Variants in SEZ6L observed in about 807,000 individuals in gnomAD.
The protein encoded by SEZ6L is seizure related 6 homolog like.
A neutral mutation model predicts 106.2 loss-of-function variants in SEZ6L; 37 were observed. That is an observed-to-expected ratio of 0.35 (90% CI 0.27 to 0.46). The LOEUF is 0.46. Among genes scored for constraint, SEZ6L ranks in the 20% least tolerant of loss-of-function variants. The probability of loss-of-function intolerance (pLI) is 1.00; values close to 1 mark genes in which losing one functional copy is unlikely to be tolerated. For missense variants in SEZ6L, 1,172 were observed against 1,332.8 expected (o/e 0.88, Z 1.88); for synonymous variants, 541 against 570.4 (o/e 0.95, Z 0.73).
intron 13 of SEZ6L, among the ~76,000 whole-genome samples, chr22:26,367,725 G>A (rs772630271): frequency 1.6e-4 from 25 of 152,092 alleles, no homozygotes; most frequent in Non-Finnish European, 3.7e-4. Context: ...CCATGGGTTA[G>A]GAGTGTTCCT....
intron 6 of SEZ6L, among the ~76,000 whole-genome samples, chr22:26,309,382 G>A (rs889575358): frequency 1.3e-5 from 2 of 152,190 alleles, no homozygotes; most frequent in African/African-American, 4.8e-5. Flanking sequence ...CGACGTTATG[G>A]TTGGGTCTCT....
At chr22:26,343,523 T>G (rs1230493876) in intron 10 of SEZ6L, among the ~76,000 whole-genome samples, 1 of 152,242 alleles carries the variant, frequency 6.6e-6, no homozygotes, top group Non-Finnish European at 1.5e-5. Flanking sequence ...CATCTTCAAA[T>G]GCATTATCTC....
At position 26,292,470 on chromosome 22, in the gene SEZ6L, G is replaced by C. The variant is rs1288261975; in HGVS notation, c.159G>C (p.Glu53Asp). Residue 53 changes from glutamate (E) to aspartate (D), a missense_variant, in exon 2 of 17, where the codon GAG (glutamate) becomes GAC (aspartate). Glu to Asp is a conservative substitution (Grantham distance 45). Around this residue, in one of 4 missense-constraint regions of SEZ6L, gnomAD observed 494 missense variants for 445.8 expected, o/e 1.11. Transcript: ENST00000248933. Reference protein sequence around the residue: ...GPYLLPSGAPERGSPGKEHPE... With the variant: ...GPYLLPSGAPDRGSPGKEHPE... ...ACCTCCTGCCCTCAGGAGCCCCGGA[G>C]AGAGGCAGTCCTGGCAAAGAGCACC... 1 of 1,613,878 alleles carries C rather than the reference G, an allele frequency of 6.2e-7. No individual in the cohort carries two copies. Among genetic ancestry groups the C allele is most frequent in the African/African-American group, 1.3e-5 (1 of 74,916 alleles).
intron 9 of SEZ6L, among the ~76,000 whole-genome samples, chr22:26,335,484 A>G (rs1408502759): frequency 6.6e-6 from 1 of 152,222 alleles, no homozygotes; most frequent in Admixed American, 6.5e-5. Context: ...TAACTTGGCT[A>G]CACTGTTATG....
intron 13 of SEZ6L, among the ~76,000 whole-genome samples, chr22:26,366,718 A>G (rs2083825696): frequency 1.3e-5 from 2 of 152,072 alleles, no homozygotes; most frequent in South Asian, 4.2e-4. Flanking sequence ...AAACAAACAA[A>G]CAAACAAACA....
chr22:26,277,548 A>G (rs2080591891), intron 1 of SEZ6L, among the ~76,000 whole-genome samples: 1 of 152,224 alleles, frequency 6.6e-6, no homozygotes. Flanking sequence ...AGTTGCCTTC[A>G]TGTTCTTTGC....
intron 1 of SEZ6L, 33 bp from the exon 2 acceptor site, chr22:26,292,373 C>T (rs1021313580): frequency 6.4e-7 from 1 of 1,554,782 alleles, no homozygotes; most frequent in Admixed American, 1.7e-5. Context: ...TAAATCTCCC[C>T]AAACTAACTG....
intron 1 of SEZ6L, among the ~76,000 whole-genome samples, chr22:26,292,030 AGGAAGGATGGAT>A (rs1451897243): frequency 0.026 from 2,262 of 88,640 alleles, 75 homozygotes; most frequent in African/African-American, 0.062. Context: ...GAAGGAAGGA[AGGAAGGATGGAT>A]GGAAGGAAAG....
At chr22:26,329,035 G>A (rs1056605791) in intron 9 of SEZ6L, among the ~76,000 whole-genome samples, 1 of 152,214 alleles carries the variant, frequency 6.6e-6, no homozygotes, top group Non-Finnish European at 1.5e-5. Context: ...CGGGGATTCT[G>A]AGGTGCGGCC....
chr22:26,363,510 T>A (rs1300243468), intron 12 of SEZ6L, among the ~76,000 whole-genome samples: 1 of 152,184 alleles, frequency 6.6e-6, no homozygotes, highest in Non-Finnish European at 1.5e-5. Flanking sequence ...GTTTAAAGCC[T>A]GGGAAAGAAG....
chr22:26,305,155 T>C (rs2081592782), intron 5 of SEZ6L, among the ~76,000 whole-genome samples: 1 of 152,248 alleles, frequency 6.6e-6, no homozygotes, highest in African/African-American at 2.4e-5. Flanking sequence ...CTGTTGTAAA[T>C]TGAAACACTG....
chr22:26,325,945 A>T (rs2082293535), intron 9 of SEZ6L, among the ~76,000 whole-genome samples: 2 of 151,986 alleles, frequency 1.3e-5, no homozygotes, highest in South Asian at 4.2e-4. Context: ...ACACACACAC[A>T]CACACACACA....
intron 13 of SEZ6L, among the ~76,000 whole-genome samples, chr22:26,366,110 T>C (rs1266934336): frequency 6.6e-6 from 1 of 152,064 alleles, no homozygotes; most frequent in Non-Finnish European, 1.5e-5. Flanking sequence ...TGCAGGCATA[T>C]CACTTGAGGT....
intron 1 of SEZ6L, among the ~76,000 whole-genome samples, chr22:26,264,382 T>C (rs2080111076): frequency 6.6e-6 from 1 of 152,232 alleles, no homozygotes; most frequent in South Asian, 2.1e-4. Context: ...TTAACCTCTC[T>C]GAGCTTCAGT....
intron 12 of SEZ6L, among the ~76,000 whole-genome samples, chr22:26,359,087 A>C (rs1234367298): frequency 6.6e-6 from 1 of 152,220 alleles, no homozygotes; most frequent in Non-Finnish European, 1.5e-5. Context: ...GTGGTGCAGC[A>C]GACACAGGCC....
chr22:26,248,482 G>A (rs989361262), intron 1 of SEZ6L, among the ~76,000 whole-genome samples: 3 of 152,096 alleles, frequency 2.0e-5, no homozygotes, highest in African/African-American at 7.2e-5. Context: ...AGCCTCCCAA[G>A]TACCTGGGAC....
At chr22:26,195,263 T>C (rs1430722056) in intron 1 of SEZ6L, among the ~76,000 whole-genome samples, 1 of 152,192 alleles carries the variant, frequency 6.6e-6, no homozygotes. Flanking sequence ...GAGGGGGTGA[T>C]GAAAGTGTGG....
chr22:26,279,092 C>T (rs977532233), intron 1 of SEZ6L, among the ~76,000 whole-genome samples: 3 of 152,164 alleles, frequency 2.0e-5, no homozygotes, highest in Non-Finnish European at 4.4e-5. Flanking sequence ...CCCAGTGCCT[C>T]GACTTCCCAT....
At chr22:26,306,287 T>G in intron 6 of SEZ6L, 143 bp downstream of exon 6, 2 of 904,078 alleles carry the variant, frequency 2.2e-6, no homozygotes, top group Non-Finnish European at 3.3e-6. Context: ...GCAAAGATCT[T>G]AGACACCATC....
Sources: allele counts gnomAD v4.1 joint callset (sites outside exome capture counted in the v4.1 genomes callset), GRCh38; gene constraint gnomAD v4.1.1; regional missense constraint gnomAD v4.1.1; transcripts MANE v1.5; gene names NCBI Gene and HGNC (gene_info 2026-07-23, HGNC 2026-07-21).